The following PTPN9 variants were observed in gnomAD, a reference collection of about 807,000 sequenced individuals.
The protein encoded by PTPN9 is protein tyrosine phosphatase non-receptor type 9, also known as tyrosine-protein phosphatase non-receptor type 9.
Under a neutral mutation model 69.8 loss-of-function variants are expected in PTPN9, and 26 were observed. The observed-to-expected ratio is 0.37, with a 90% CI of 0.27 to 0.52. PTPN9 has a LOEUF of 0.52. Among genes scored for constraint, PTPN9 ranks in the 20% least tolerant of loss-of-function variants. The pLI, the probability that PTPN9 is intolerant of heterozygous loss-of-function variation, is 0.91. For missense variants in PTPN9, 549 were observed against 740.3 expected (o/e 0.74, Z 3.00); for synonymous variants, 274 against 272.5 (o/e 1.01, Z -0.05).
At chr15:75,504,666 G>A (rs543665756) in intron 7 of PTPN9, among the ~76,000 whole-genome samples, 2 of 146,170 alleles carry the variant, frequency 1.4e-5, no homozygotes, top group South Asian at 4.3e-4. Context: ...CGCCCGGCCA[G>A]CCGCCCTGTC....
rs142915712 is a variant in PTPN9 at position 75,527,724 on chromosome 15, C to T, written c.64-463G>A. The stretch of plus-strand genomic sequence containing the variant: ...ATACAAAACTAGCCGGATGTGGTGG[C>T]GCACGCCTGTAATGTCAGCTACTTG... On this transcript the variant is annotated intron_variant, in intron 1 of 12. Transcript: ENST00000618819. 9.4e-3 allele frequency among the ~76,000 whole-genome samples: 1,423 copies of T among 151,980 alleles called. 13 individuals are homozygous for T. Among genetic ancestry groups the T allele is most frequent in the Non-Finnish European group, 0.016 (1,108 of 67,976 alleles).
intron 1 of PTPN9, among the ~76,000 whole-genome samples, chr15:75,530,384 A>G (rs1315192190): frequency 1.6e-5 from 2 of 121,294 alleles, no homozygotes; most frequent in African/African-American, 6.4e-5. Flanking sequence ...AGATATATAT[A>G]TTACATTATA....
At chr15:75,564,152 T>C (rs1311649231) in intron 1 of PTPN9, among the ~76,000 whole-genome samples, 1 of 151,912 alleles carries the variant, frequency 6.6e-6, no homozygotes, top group African/African-American at 2.4e-5. Flanking sequence ...AATCATAGCT[T>C]TGTAAACTTT....
intron 7 of PTPN9, among the ~76,000 whole-genome samples, chr15:75,492,387 C>A (rs1285502402): frequency 6.6e-6 from 1 of 152,082 alleles, no homozygotes; most frequent in Non-Finnish European, 1.5e-5. Context: ...GAAGCTAGGA[C>A]CAAGGGAGGT....
At chr15:75,496,448 A>G (rs574784636) in intron 7 of PTPN9, among the ~76,000 whole-genome samples, 1 of 152,124 alleles carries the variant, frequency 6.6e-6, no homozygotes, top group East Asian at 1.9e-4. Context: ...GAGACATAGT[A>G]TAAGAGCTAA....
chr15:75,544,487 G>A (rs1005963070), intron 1 of PTPN9, among the ~76,000 whole-genome samples: 13 of 152,240 alleles, frequency 8.5e-5, no homozygotes, highest in African/African-American at 3.1e-4. Flanking sequence ...CTGTGATGAT[G>A]CCACTGTGTT....
chr15:75,521,504 A>G (rs2074905159), intron 4 of PTPN9, among the ~76,000 whole-genome samples: 1 of 152,020 alleles, frequency 6.6e-6, no homozygotes, highest in Non-Finnish European at 1.5e-5. Context: ...GCTACATGTT[A>G]CAGAAAACAC....
chr15:75,537,743 G>T (rs1167094229), intron 1 of PTPN9, among the ~76,000 whole-genome samples: 1 of 36,086 alleles, frequency 2.8e-5, no homozygotes, highest in African/African-American at 1.6e-4. Context: ...AACAGAGGGA[G>T]ACTCCATCTC....
chr15:75,482,417 T>G (rs1203345723), intron 8 of PTPN9, among the ~76,000 whole-genome samples: 2 of 151,676 alleles, frequency 1.3e-5, no homozygotes, highest in Non-Finnish European at 2.9e-5. Flanking sequence ...TACAAAAGAT[T>G]AGCCGGGCGT....
At chr15:75,504,523 G>GC (rs1291103214) in intron 7 of PTPN9, among the ~76,000 whole-genome samples, 1 of 138,774 alleles carries the variant, frequency 7.2e-6, no homozygotes, top group Admixed American at 7.0e-5. Context: ...GGGGGGGTCA[G>GC]CCCCCCGCCC....
chr15:75,521,031 T>A (rs1456064384), intron 4 of PTPN9, among the ~76,000 whole-genome samples: 1 of 151,640 alleles, frequency 6.6e-6, no homozygotes, highest in Admixed American at 6.6e-5. Flanking sequence ...TTAAACTTTT[T>A]GTAGAGACGA....
Position 75,465,053 on chromosome 15 carries a change from C to T in PTPN9, c.*3716G>A, listed in dbSNP as rs568382982. 1 of 152,286 alleles carries T rather than the reference C, an allele frequency of 6.6e-6. No homozygotes were observed. Among genetic ancestry groups the T allele is most frequent in the Non-Finnish European group, 1.5e-5 (1 of 68,014 alleles). 9.4% of individuals were successfully genotyped at this position (152,286 alleles called of 1,614,324 possible). ...ACAGCCATCAAATCAGAAGCAGAAGCCTGCTTTAGCTCAGTGTTTTCTTCT... is the reference window on the plus strand; with the variant it reads ...ACAGCCATCAAATCAGAAGCAGAAGTCTGCTTTAGCTCAGTGTTTTCTTCT... On this transcript the variant is annotated 3_prime_UTR_variant, in exon 13 of 13. Coordinates refer to ENST00000618819, the MANE Select transcript of PTPN9 (RefSeq NM_002833.4).
intron 9 of PTPN9, among the ~76,000 whole-genome samples, chr15:75,476,920 A>C (rs2074599758): frequency 6.6e-6 from 1 of 152,206 alleles, no homozygotes; most frequent in Non-Finnish European, 1.5e-5. Context: ...GAGCAGTCAG[A>C]GCATATGGTA....
At chr15:75,524,378 A>T in intron 2 of PTPN9, 80 bp from the exon 3 acceptor site, 5 of 752,604 alleles carry the variant, frequency 6.6e-6, no homozygotes, top group Non-Finnish European at 1.1e-5. Context: ...ACCAAATCTC[A>T]GAGATAAGGT....
chr15:75,567,673 C>G (rs537489640), intron 1 of PTPN9, among the ~76,000 whole-genome samples: 1 of 152,262 alleles, frequency 6.6e-6, no homozygotes, highest in East Asian at 1.9e-4. Context: ...GAAACTGGTA[C>G]ATACTACAGA....
At chr15:75,545,885 A>T (rs1176747416) in intron 1 of PTPN9, among the ~76,000 whole-genome samples, 1 of 152,174 alleles carries the variant, frequency 6.6e-6, no homozygotes, top group Non-Finnish European at 1.5e-5. Context: ...GGATGGGAGG[A>T]TGCAGTGAGC....
chr15:75,508,067 A>T (rs535619205), intron 6 of PTPN9, among the ~76,000 whole-genome samples: 1 of 151,568 alleles, frequency 6.6e-6, no homozygotes, highest in East Asian at 1.9e-4. Context: ...AAAAAAAAGA[A>T]AAGCTCTCTC....
At chr15:75,554,271 C>T (rs1390574465) in intron 1 of PTPN9, among the ~76,000 whole-genome samples, 1 of 151,290 alleles carries the variant, frequency 6.6e-6, no homozygotes, top group Non-Finnish European at 1.5e-5. Flanking sequence ...CTTGGCTCAC[C>T]ACAACTTCTG....
intron 7 of PTPN9, among the ~76,000 whole-genome samples, chr15:75,495,758 G>C (rs531837069): frequency 6.6e-6 from 1 of 151,780 alleles, no homozygotes; most frequent in South Asian, 2.1e-4. Flanking sequence ...AAAAACAAAA[G>C]AAAAAGAATG....
Sources: allele counts gnomAD v4.1 joint callset (sites outside exome capture counted in the v4.1 genomes callset), GRCh38; gene constraint gnomAD v4.1.1; transcripts MANE v1.5; gene names NCBI Gene and HGNC (gene_info 2026-07-23, HGNC 2026-07-21).